ERBB4: variants seen among roughly 807,000 people sequenced by gnomAD.
The protein encoded by ERBB4 is receptor tyrosine-protein kinase erbB-4.
A neutral mutation model predicts 158.0 loss-of-function variants in ERBB4; 42 were observed. That is an observed-to-expected ratio of 0.27 (90% CI 0.21 to 0.34). The LOEUF is 0.34. Ranked by LOEUF, ERBB4 falls within the 10% of genes least tolerant of loss-of-function variation. The pLI, the probability that ERBB4 is intolerant of heterozygous loss-of-function variation, is 1.00. For missense variants in ERBB4, 1,333 were observed against 1,624.1 expected, an observed-to-expected ratio of 0.82 and a Z score of 3.08; for synonymous variants, 583 against 558.7, an observed-to-expected ratio of 1.04 and a Z score of -0.61.
chr2:212,009,849 C>T (rs1443391662), intron 2 of ERBB4, among the ~76,000 whole-genome samples: 1 of 152,084 alleles, frequency 6.6e-6, no homozygotes, highest in Non-Finnish European at 1.5e-5. Context: ...TTGTATCCTC[C>T]CACCTGTCTG....
At chr2:212,218,212 T>C (rs549047749) in intron 1 of ERBB4, among the ~76,000 whole-genome samples, 4 of 151,432 alleles carry the variant, frequency 2.6e-5, no homozygotes, top group African/African-American at 9.6e-5. Context: ...TGGGTTTCAA[T>C]TGGTAAGAAT....
chr2:211,394,590 T>A (rs2125337160), intron 25 of ERBB4, among the ~76,000 whole-genome samples: 1 of 152,254 alleles, frequency 6.6e-6, no homozygotes, highest in East Asian at 1.9e-4. Context: ...CTTTCTTTTT[T>A]AATGTATGCT....
At chr2:211,694,663 CAGA>C in intron 12 of ERBB4, among the ~76,000 whole-genome samples, 1 of 151,760 alleles carries the variant, frequency 6.6e-6, no homozygotes, top group East Asian at 1.9e-4. Flanking sequence ...TCTGATTACT[CAGA>C]AGAATAGCGA....
At chr2:212,056,987 T>C (rs889386536) in intron 2 of ERBB4, among the ~76,000 whole-genome samples, 16 of 152,212 alleles carry the variant, frequency 1.1e-4, no homozygotes, top group East Asian at 3.9e-4. Flanking sequence ...GACTGGCAAA[T>C]TGGATAAAGA....
At chr2:212,129,826 T>C (rs1156677419) in intron 1 of ERBB4, among the ~76,000 whole-genome samples, 1 of 152,128 alleles carries the variant, frequency 6.6e-6, no homozygotes, top group Non-Finnish European at 1.5e-5. Context: ...TACTACATGC[T>C]GTTCAATTTA....
intron 1 of ERBB4, among the ~76,000 whole-genome samples, chr2:212,391,793 CAT>C (rs2090880821): frequency 7.0e-6 from 1 of 142,188 alleles, no homozygotes; most frequent in Admixed American, 7.2e-5. Flanking sequence ...ATTATATTGA[CAT>C]ATAATATTAT....
At chr2:211,691,367 C>T (rs564548715) in intron 12 of ERBB4, among the ~76,000 whole-genome samples, 8 of 152,026 alleles carry the variant, frequency 5.3e-5, no homozygotes, top group African/African-American at 7.3e-5. Flanking sequence ...TACATGTACT[C>T]AAGAGAAATG....
At chr2:212,290,635 G>A (rs10205688) in intron 1 of ERBB4, among the ~76,000 whole-genome samples, 2 of 151,854 alleles carry the variant, frequency 1.3e-5, no homozygotes, top group Non-Finnish European at 2.9e-5. Context: ...GCTAAGTCAC[G>A]TATCACATAC....
chr2:212,051,938 A>T (rs1047763001), intron 2 of ERBB4, among the ~76,000 whole-genome samples: 10 of 152,148 alleles, frequency 6.6e-5, no homozygotes, highest in Admixed American at 6.6e-4. Flanking sequence ...ACACTTATAT[A>T]ATTTGTGGCC....
chr2:212,162,294 T>C (rs2081223767), intron 1 of ERBB4, among the ~76,000 whole-genome samples: 1 of 151,848 alleles, frequency 6.6e-6, no homozygotes, highest in Non-Finnish European at 1.5e-5. Context: ...TTAAAAACAT[T>C]ATCTTTGAAA....
rs188480345 is a variant in ERBB4 at position 212,039,852 on chromosome 2, G to T, written c.234+84900C>A. The stretch of plus-strand genomic sequence containing the variant: ...GCCTACCACCACAAAAAAAAGAAAA[G>T]AAAAGAAAAGGAAAGAAAAAAGGAG... On this transcript the variant is annotated intron_variant, in intron 2 of 27. Transcript: ENST00000342788. 6.5e-3 allele frequency among the ~76,000 whole-genome samples: 990 copies of T among 151,930 alleles called. 9 individuals are homozygous for T. The highest frequency in any genetic ancestry group is 0.011 in the Non-Finnish European group (725 of 67,908).
At position 211,773,822 on chromosome 2, in the gene ERBB4, G is replaced by A. The variant is rs192506651; in HGVS notation, c.556+14203C>T. On this transcript the variant is annotated intron_variant, in intron 4 of 27. Transcript: ENST00000342788. ...GATAGAAAACAACCTGGATTACTCCGGTCTGAATTCAGATCACGTAGGACA... is the reference window on the plus strand; with the variant it reads ...GATAGAAAACAACCTGGATTACTCCAGTCTGAATTCAGATCACGTAGGACA... Among the ~76,000 whole-genome samples, 369 of 150,516 alleles carry A rather than the reference G, an allele frequency of 2.5e-3. 6 individuals carry two copies. Among genetic ancestry groups the A allele is most frequent in the African/African-American group, 8.1e-3 (331 of 41,036 alleles).
In ERBB4 at chr2:211,914,255, C is replaced by CTT. The variant is rs781398661; in HGVS notation, c.421+33173_421+33174dup. Among the ~76,000 whole-genome samples the CTT allele has an allele frequency of 2.0e-3, 283 of 145,084 alleles. 1 individual carries two copies. The highest frequency in any genetic ancestry group is 0.011 in the Middle Eastern group (3 of 278). On this transcript the variant is annotated intron_variant, in intron 3 of 27. Transcript: ENST00000342788. ...TATGCAAAGACTATAACATATTTTT[C>CTT]TTTTTTTTTTTTCAAACAAACATCA... is the stretch of plus-strand genomic sequence containing the variant.
chr2:211,841,550 G>A (rs1412905428), intron 3 of ERBB4, among the ~76,000 whole-genome samples: 2 of 151,572 alleles, frequency 1.3e-5, no homozygotes, highest in African/African-American at 4.8e-5. Context: ...TATAGTATAA[G>A]GATTATATAT....
At chr2:212,425,841 G>C (rs1415731640) in intron 1 of ERBB4, among the ~76,000 whole-genome samples, 6 of 151,928 alleles carry the variant, frequency 3.9e-5, no homozygotes, top group Non-Finnish European at 8.8e-5. Flanking sequence ...CATTTGGGGA[G>C]ATAGAAAAGT....
intron 25 of ERBB4, among the ~76,000 whole-genome samples, chr2:211,412,940 G>A (rs1244316237): frequency 7.4e-6 from 1 of 136,012 alleles, no homozygotes; most frequent in Non-Finnish European, 1.6e-5. Context: ...GCAACAGAGT[G>A]GGACTGTCTC....
chr2:211,799,699 C>T (rs1284663184), intron 3 of ERBB4, among the ~76,000 whole-genome samples: 2 of 152,074 alleles, frequency 1.3e-5, no homozygotes, highest in Non-Finnish European at 2.9e-5. Flanking sequence ...CATGAGGCAA[C>T]TGAAAGGAGA....
chr2:212,187,184 A>G (rs909886050), intron 1 of ERBB4, among the ~76,000 whole-genome samples: 1 of 152,068 alleles, frequency 6.6e-6, no homozygotes, highest in Non-Finnish European at 1.5e-5. Context: ...GCAGAATCAC[A>G]ATACTATACT....
intron 1 of ERBB4, among the ~76,000 whole-genome samples, chr2:212,440,197 G>C (rs558289345): frequency 3.9e-5 from 6 of 152,226 alleles, no homozygotes; most frequent in Non-Finnish European, 7.3e-5. Flanking sequence ...GTGTCTGTGA[G>C]GGTGTTGCCA....
Sources: gnomAD v4.1 joint callset for allele counts (sites outside exome capture counted in the v4.1 genomes callset) on GRCh38, gnomAD v4.1.1 for gene constraint, MANE v1.5 for transcripts, NCBI Gene and HGNC (gene_info 2026-07-23, HGNC 2026-07-21) for gene names.